The following PGM5 variants were observed in gnomAD, a reference collection of about 807,000 sequenced individuals.
The protein encoded by PGM5 is phosphoglucomutase-like protein 5.
Under a neutral mutation model 59.2 loss-of-function variants are expected in PGM5, and 23 were observed. That is an observed-to-expected ratio of 0.39 (90% confidence interval 0.28 to 0.55). PGM5 has a LOEUF of 0.55. Ranked by LOEUF, PGM5 falls within the 20% of genes least tolerant of loss-of-function variation. The pLI is 0.66. For missense variants in PGM5, 574 were observed against 748.3 expected (o/e 0.77, Z 2.72); for synonymous variants, 214 against 286.0 (o/e 0.75, Z 2.54).
At position 68,432,906 on chromosome 9, in the gene PGM5, C is replaced by T. The variant is rs557894897; in HGVS notation, c.1044-32187C>T. Among the ~76,000 whole-genome samples, 3 of 152,292 alleles carry T rather than the reference C, an allele frequency of 2.0e-5. No individual in the cohort carries two copies. The South Asian group carries it at 6.2e-4, about 32-fold the overall frequency. ...AAAGGCACGAGCCACTGCGCCTGGCCTAAATGAACCATATTTTTTTAAACA... is the reference window on the plus strand; with the variant it reads ...AAAGGCACGAGCCACTGCGCCTGGCTTAAATGAACCATATTTTTTTAAACA... On this transcript the variant is annotated intron_variant, in intron 6 of 10. Coordinates refer to ENST00000396396, the MANE Select transcript of PGM5 (RefSeq NM_021965.4).
At chr9:68,465,026 C>A (rs1823910884) in intron 6 of PGM5, 67 bp from the exon 7 acceptor site, 1 of 986,388 alleles carries the variant, frequency 1.0e-6, no homozygotes, top group Non-Finnish European at 1.6e-6. Flanking sequence ...AGACTTCCTA[C>A]TGTGCTGAGA....
chr9:68,360,435 C>G (rs1834554087), intron 1 of PGM5, among the ~76,000 whole-genome samples: 1 of 150,322 alleles, frequency 6.7e-6, no homozygotes, highest in Non-Finnish European at 1.5e-5. Context: ...GAATAATGAG[C>G]CTTGGGAGAG....
intron 1 of PGM5, 132 bp from the exon 2 acceptor site, chr9:68,378,067 C>T (rs1821968497): frequency 1.2e-6 from 1 of 854,030 alleles, no homozygotes; most frequent in Non-Finnish European, 1.7e-6. Flanking sequence ...ACCCTGCCTC[C>T]CCTAATCTAA....
chr9:68,399,303 G>C (rs1384995448), intron 6 of PGM5: 1 of 151,698 alleles, frequency 6.6e-6, no homozygotes, highest in Non-Finnish European at 1.5e-5. Flanking sequence ...TCTTCAACAC[G>C]TGTATTCAGA....
At chr9:68,512,270 T>C (rs558229671) in intron 10 of PGM5, among the ~76,000 whole-genome samples, 18 of 152,380 alleles carry the variant, frequency 1.2e-4, no homozygotes, top group African/African-American at 4.3e-4. Flanking sequence ...GCATGTGCTC[T>C]CTGGCTTCAA....
At chr9:68,426,909 G>A (rs782679788) in intron 6 of PGM5, 1 of 152,192 alleles carries the variant, frequency 6.6e-6, no homozygotes, top group Non-Finnish European at 1.5e-5. Context: ...ACAAGATTGT[G>A]CCTTAATCAT....
Position 68,376,012 on chromosome 9 carries a change from G to A in PGM5, c.262-2187G>A, listed in dbSNP as rs1257790386. Among the ~76,000 whole-genome samples, 5 of 152,234 alleles carry A rather than the reference G, an allele frequency of 3.3e-5. No individual in the cohort carries two copies. In the South Asian group the frequency reaches 6.2e-4, roughly 19 times the overall value. The stretch of plus-strand genomic sequence containing the variant: ...AACAGAAGAAGGAGGGCGGGAGGGC[G>A]ATGGAGAATGGTACATGATGGAGGT... On this transcript the variant is annotated intron_variant, in intron 1 of 10. Transcript: ENST00000396396.
At chr9:68,452,116 C>T (rs560674549) in intron 6 of PGM5, among the ~76,000 whole-genome samples, 17 of 152,308 alleles carry the variant, frequency 1.1e-4, no homozygotes, top group Non-Finnish European at 2.2e-4. Context: ...CCACTGTAGG[C>T]TGTGGGATTT....
At chr9:68,475,662 A>C (rs80034275) in intron 7 of PGM5, among the ~76,000 whole-genome samples, 6,437 of 152,268 alleles carry the variant, frequency 0.042, 254 homozygotes, top group African/African-American at 0.11. Flanking sequence ...CATGTAATAA[A>C]ACTGGACTTG....
At chr9:68,394,734 A>T (rs565142699) in intron 6 of PGM5, among the ~76,000 whole-genome samples, 1 of 151,368 alleles carries the variant, frequency 6.6e-6, no homozygotes, top group African/African-American at 2.4e-5. Flanking sequence ...AATCCTCCCA[A>T]CTCAGCCTCC....
chr9:68,469,360 TAA>T lies in PGM5; in HGVS notation c.1159+4161_1159+4162del, dbSNP rs75412526. Among the ~76,000 whole-genome samples, 1,234 of 151,180 alleles carry T rather than the reference TAA, an allele frequency of 8.2e-3. 12 individuals carry two copies. Among genetic ancestry groups the T allele is most frequent in the African/African-American group, 0.029 (1,192 of 41,298 alleles). ...CTTTCACAGAAATAATAGTGTTTTT[TAA>T]AAAAAAAATGAGCACTTAGTATGTA... On this transcript the variant is annotated intron_variant, in intron 7 of 10. Transcript: ENST00000396396.
chr9:68,445,647 G>T (rs2132066226), intron 6 of PGM5, among the ~76,000 whole-genome samples: 1 of 152,322 alleles, frequency 6.6e-6, no homozygotes, highest in South Asian at 2.1e-4. Flanking sequence ...TAGAGAGTCT[G>T]CTGTGAGTAC....
intron 1 of PGM5, among the ~76,000 whole-genome samples, chr9:68,369,039 A>G (rs1413074070): frequency 8.5e-5 from 13 of 152,390 alleles, no homozygotes; most frequent in Admixed American, 1.3e-4. Flanking sequence ...ACATTTTTAC[A>G]TTGGTCAATA....
intron 1 of PGM5, chr9:68,371,635 A>C (rs540571793): frequency 2.0e-5 from 3 of 149,354 alleles, no homozygotes; most frequent in Non-Finnish European, 4.5e-5. Context: ...GCCTCAGAGA[A>C]GTTAAATGAT....
At chr9:68,471,823 G>A (rs1729407919) in intron 7 of PGM5, among the ~76,000 whole-genome samples, 2 of 152,086 alleles carry the variant, frequency 1.3e-5, no homozygotes, top group African/African-American at 2.4e-5. Context: ...GGAGGTTGAG[G>A]CAGGAGAATC....
intron 6 of PGM5, among the ~76,000 whole-genome samples, chr9:68,447,550 A>T (rs1006892277): frequency 6.6e-6 from 1 of 152,178 alleles, no homozygotes. Context: ...TAAAGGTGAT[A>T]ACATCCTTTT....
chr9:68,357,960 C>CG (rs1554675939), intron 1 of PGM5: 1 of 155,598 alleles, frequency 6.4e-6, no homozygotes, highest in Non-Finnish European at 1.4e-5. Context: ...CACACACACA[C>CG]ACACGATCCC....
At chr9:68,494,708 T>C (rs1024053536) in intron 9 of PGM5, among the ~76,000 whole-genome samples, 1 of 152,242 alleles carries the variant, frequency 6.6e-6, no homozygotes, top group Non-Finnish European at 1.5e-5. Flanking sequence ...TTCAACTCCA[T>C]TGTTTTTAGC....
At chr9:68,483,205 C>A (rs1824227221) in intron 8 of PGM5, among the ~76,000 whole-genome samples, 1 of 152,050 alleles carries the variant, frequency 6.6e-6, no homozygotes, top group African/African-American at 2.4e-5. Context: ...CAAAGACAGG[C>A]AATGAATAGG....
Sources: allele counts gnomAD v4.1 joint callset (sites outside exome capture counted in the v4.1 genomes callset), GRCh38; gene constraint gnomAD v4.1.1; transcripts MANE v1.5; gene names NCBI Gene and HGNC (gene_info 2026-07-23, HGNC 2026-07-21).